Variants in COL4A5 observed in about 807,000 individuals in gnomAD.
The protein encoded by COL4A5 is collagen type IV alpha 5 chain, also known as collagen alpha-5(IV) chain.
A neutral mutation model predicts 130.2 loss-of-function variants in COL4A5; 26 were observed. That is an observed-to-expected ratio of 0.20 (90% CI 0.15 to 0.28). The LOEUF (loss-of-function observed/expected upper bound fraction) is 0.28. Ranked by LOEUF, COL4A5 falls within the 10% of genes least tolerant of loss-of-function variation. The pLI is 1.00. For synonymous variants in COL4A5, 496 were observed against 439.6 expected, an observed-to-expected ratio of 1.13 and a Z score of -1.60; for missense variants, 1,131 against 1,344.3, an observed-to-expected ratio of 0.84 and a Z score of 2.48.
intron 34 of COL4A5, among the ~76,000 whole-genome samples, chrX:108,625,375 A>C (rs4140397): frequency 0.23 from 25,269 of 111,689 alleles, 2,521 homozygotes; most frequent in East Asian, 0.57. Context: ...TATTGGATTT[A>C]TCTGTGAAAA....
chrX:108,548,384 T>G (rs1034102836), intron 2 of COL4A5, among the ~76,000 whole-genome samples: 1 of 111,458 alleles, frequency 9.0e-6, no homozygotes, highest in African/African-American at 3.3e-5. Flanking sequence ...ATCTTAAAGA[T>G]AAATCAGAAG....
chrX:108,486,416 AATTT>A (rs2064945437), intron 1 of COL4A5, among the ~76,000 whole-genome samples: 2 of 111,267 alleles, frequency 1.8e-5, no homozygotes. Flanking sequence ...ATTAAGTTTC[AATTT>A]ATTTATTTAT....
chrX:108,493,882 A>T (rs1245738369), intron 1 of COL4A5, among the ~76,000 whole-genome samples: 1 of 110,108 alleles, frequency 9.1e-6, no homozygotes, highest in Non-Finnish European at 1.9e-5. Context: ...TTTCACTCTT[A>T]ATGGTTCTGT....
chrX:108,596,501 C>G (rs2066519212), intron 22 of COL4A5, among the ~76,000 whole-genome samples: 1 of 112,274 alleles, frequency 8.9e-6, no homozygotes, highest in Non-Finnish European at 1.9e-5. Flanking sequence ...TGGAGAACCA[C>G]TGCTTTAGTA....
At chrX:108,516,166 A>C (rs1364275139) in intron 1 of COL4A5, among the ~76,000 whole-genome samples, 1 of 112,246 alleles carries the variant, frequency 8.9e-6, no homozygotes, top group African/African-American at 3.2e-5. Flanking sequence ...GGCAAAAACC[A>C]ATTTCTTCTT....
At chrX:108,614,805 A>G in intron 29 of COL4A5, 106 bp from the exon 30 acceptor site, 1 of 561,174 alleles carries the variant, frequency 1.8e-6, no homozygotes, top group Non-Finnish European at 3.1e-6. Flanking sequence ...TTTCTTGCTG[A>G]ATGAATGCCC....
intron 1 of COL4A5, among the ~76,000 whole-genome samples, chrX:108,512,566 C>T (rs972521059): frequency 2.7e-5 from 3 of 109,766 alleles, no homozygotes; most frequent in African/African-American, 1.0e-4. Flanking sequence ...TAAAGCTGGG[C>T]ATCCGGGGGA....
At chrX:108,465,665 TTAAC>T (rs1021875718) in intron 1 of COL4A5, among the ~76,000 whole-genome samples, 21 of 112,248 alleles carry the variant, frequency 1.9e-4, no homozygotes, top group Admixed American at 1.6e-3. Context: ...GAAGAATCCT[TTAAC>T]TATTAATACA....
At chrX:108,674,299 G>C (rs926728393) in intron 42 of COL4A5, among the ~76,000 whole-genome samples, 1 of 111,139 alleles carries the variant, frequency 9.0e-6, no homozygotes, top group African/African-American at 3.3e-5. Flanking sequence ...GGCACCTGGT[G>C]TTTTTATTAA....
intron 1 of COL4A5, among the ~76,000 whole-genome samples, chrX:108,533,615 A>G (rs1454326015): frequency 1.8e-5 from 2 of 111,069 alleles, no homozygotes; most frequent in African/African-American, 3.3e-5. Flanking sequence ...TCTCCTGGAC[A>G]TTGGTCTAGG....
At chrX:108,583,003 G>T (rs2066275806) in intron 17 of COL4A5, 66 bp downstream of exon 17, 1 of 898,322 alleles carries the variant, frequency 1.1e-6, no homozygotes, top group African/African-American at 2.0e-5. Context: ...TCTTCTCCCA[G>T]GCTTGAGTTA....
In COL4A5 at chrX:108,666,588, G is replaced by A. The variant is rs1401898740; in HGVS notation, c.3547G>A (p.Glu1183Lys). ...TCCTGGACCAGCTGGACAGAAGGGT[G>A]AACCAGGTGCTGTAGTTTTTCATTT... ...GIPGPAGQKG[E>K]PGQPGFGNPG... The change falls in exon 39 of 53, where the codon GAA (glutamate) becomes AAA (lysine). Residue 1183 changes from glutamate (E) to lysine (K), a missense_variant. Transcript: ENST00000328300. 8.3e-7 allele frequency: 1 copy of A among 1,197,914 alleles called. No homozygotes were observed.
intron 14 of COL4A5, 27 bp from the exon 15 acceptor site, chrX:108,580,655 A>G (rs761547456): frequency 4.4e-5 from 53 of 1,202,150 alleles, no homozygotes; most frequent in Non-Finnish European, 5.7e-5. Flanking sequence ...CCCATGAACC[A>G]TTGTGAAACT....
intron 36 of COL4A5, among the ~76,000 whole-genome samples, chrX:108,643,655 A>T (rs1428956980): frequency 8.9e-6 from 1 of 111,798 alleles, no homozygotes; most frequent in Non-Finnish European, 1.9e-5. Flanking sequence ...GTTTTCGCAC[A>T]AACAAATGCT....
chrX:108,535,204 C>T (rs767644924), intron 1 of COL4A5, among the ~76,000 whole-genome samples: 43 of 110,790 alleles, frequency 3.9e-4, no homozygotes, highest in South Asian at 1.9e-3. Context: ...CAATTGCTGG[C>T]TCCCTTTATT....
At chrX:108,610,926 A>G (rs1394264453) in intron 29 of COL4A5, among the ~76,000 whole-genome samples, 1 of 111,717 alleles carries the variant, frequency 9.0e-6, no homozygotes, top group Non-Finnish European at 1.9e-5. Context: ...GAAGATCTCA[A>G]GGATTGCTCT....
intron 30 of COL4A5, among the ~76,000 whole-genome samples, chrX:108,619,150 C>T (rs10521521): frequency 0.1 from 11,587 of 111,061 alleles, 1,297 homozygotes; most frequent in African/African-American, 0.34. Flanking sequence ...TTGGAACTAT[C>T]GCTACTTTGC....
chrX:108,578,394 A>T lies in COL4A5; in HGVS notation c.780+11A>T. 1 of 1,137,408 alleles carries T rather than the reference A, an allele frequency of 8.8e-7. No individual in the cohort carries two copies. Among genetic ancestry groups the T allele is most frequent in the South Asian group, 1.8e-5 (1 of 55,301 alleles). The allele number at this position is 1,137,408 out of a possible 1,213,427, so 93.7% of individuals were successfully genotyped here. A position where few individuals can be genotyped will look rare whatever the true frequency, so the allele number is the denominator to read the frequency against. ...CAGAAAGGAGATCAGGTGAGTAAGT[A>T]GGGAGGAAGTCAATGAAAATCTTGC... On this transcript the variant is annotated intron_variant, in intron 13 of 52. Transcript: ENST00000328300.
intron 2 of COL4A5, among the ~76,000 whole-genome samples, chrX:108,543,051 G>A (rs2065575474): frequency 9.0e-6 from 1 of 111,120 alleles, no homozygotes; most frequent in East Asian, 2.8e-4. Context: ...CTCCCATTTT[G>A]TAGGTTGCCT....
Sources: gnomAD v4.1 joint callset for allele counts (sites outside exome capture counted in the v4.1 genomes callset) on GRCh38, gnomAD v4.1.1 for gene constraint, MANE v1.5 for transcripts, NCBI Gene and HGNC (gene_info 2026-07-23, HGNC 2026-07-21) for gene names.